SLC6A20: variants seen among roughly 807,000 people sequenced by gnomAD.
SLC6A20 encodes solute carrier family 6 member 20, also known as sodium- and chloride-dependent transporter XTRP3.
In SLC6A20, 73 loss-of-function variants were observed where a neutral mutation model predicts 64.3. The observed-to-expected ratio is 1.14, with a 90% CI of 0.94 to 1.38. The LOEUF is 1.38. Ranked by LOEUF, SLC6A20 falls within the 40% of genes most tolerant of loss-of-function variation. The probability of loss-of-function intolerance (pLI) is 0.00; values close to 1 mark genes in which losing one functional copy is unlikely to be tolerated. For synonymous variants in SLC6A20, 347 were observed against 329.6 expected (o/e 1.05, Z -0.57); for missense variants, 725 against 772.8 (o/e 0.94, Z 0.73).
chr3:45,781,219 T>C (rs1700079863), intron 2 of SLC6A20, among the ~76,000 whole-genome samples: 1 of 115,542 alleles, frequency 8.7e-6, no homozygotes, highest in Non-Finnish European at 1.8e-5. Flanking sequence ...AAACTCCGCC[T>C]CAAAAAAAAA....
chr3:45,771,972 G>A (rs1220996597), intron 5 of SLC6A20: 3 of 175,788 alleles, frequency 1.7e-5, no homozygotes, highest in Admixed American at 5.6e-5. Flanking sequence ...GAATGGGGAA[G>A]GGGAAGGATG....
At chr3:45,773,136 A>G (rs1376910745) in intron 4 of SLC6A20, among the ~76,000 whole-genome samples, 1 of 151,684 alleles carries the variant, frequency 6.6e-6, no homozygotes, top group Non-Finnish European at 1.5e-5. Context: ...AATTAAAAGG[A>G]AAAAAAAATC....
chr3:45,760,608 G>T (rs1212440182), intron 9 of SLC6A20, among the ~76,000 whole-genome samples: 1 of 152,178 alleles, frequency 6.6e-6, no homozygotes, highest in Non-Finnish European at 1.5e-5. Context: ...AGTCCCAAAG[G>T]CGTTGCCCAC....
intron 4 of SLC6A20, 95 bp downstream of exon 4, chr3:45,775,666 T>C (rs1256352398): frequency 1.6e-6 from 2 of 1,227,696 alleles, no homozygotes; most frequent in Non-Finnish European, 2.3e-6. Flanking sequence ...GGGCACTCCC[T>C]TGGCATTGCC....
intron 1 of SLC6A20, among the ~76,000 whole-genome samples, chr3:45,787,001 G>A (rs571285432): frequency 1.2e-4 from 18 of 152,246 alleles, no homozygotes; most frequent in East Asian, 3.9e-4. Context: ...CCACTGCACC[G>A]CCCTCCAGGC....
intron 8 of SLC6A20, among the ~76,000 whole-genome samples, chr3:45,763,615 G>A (rs971320577): frequency 6.6e-6 from 1 of 152,164 alleles, no homozygotes; most frequent in African/African-American, 2.4e-5. Context: ...TGGACCCTTA[G>A]GCCTCTGAGG....
At chr3:45,772,917 A>G (rs1699900875) in intron 4 of SLC6A20, among the ~76,000 whole-genome samples, 1 of 152,190 alleles carries the variant, frequency 6.6e-6, no homozygotes, top group African/African-American at 2.4e-5. Context: ...TTATTCTGGA[A>G]AGGATTTGAG....
intron 3 of SLC6A20, 61 bp downstream of exon 3, chr3:45,779,948 C>T: frequency 6.5e-7 from 1 of 1,527,372 alleles, no homozygotes; most frequent in Non-Finnish European, 8.9e-7. Flanking sequence ...GAGCGGGTGG[C>T]CCTGTTTTTC....
At chr3:45,792,111 G>A (rs539809001) in intron 1 of SLC6A20, among the ~76,000 whole-genome samples, 1 of 152,288 alleles carries the variant, frequency 6.6e-6, no homozygotes, top group Admixed American at 6.5e-5. Flanking sequence ...CCTTGCAGGT[G>A]GACATCGCAC....
chr3:45,767,073 A>G (rs1575426507), intron 7 of SLC6A20, among the ~76,000 whole-genome samples: 1 of 152,264 alleles, frequency 6.6e-6, no homozygotes. Context: ...ACACAGGTCA[A>G]TTCTATAGTA....
At chr3:45,777,869 C>T (rs1189546345) in intron 3 of SLC6A20, among the ~76,000 whole-genome samples, 1 of 152,148 alleles carries the variant, frequency 6.6e-6, no homozygotes, top group Non-Finnish European at 1.5e-5. Flanking sequence ...GACTAAGGCA[C>T]CCGGGGGTGA....
chr3:45,780,637 C>T (rs948444311), intron 2 of SLC6A20, among the ~76,000 whole-genome samples: 1 of 152,090 alleles, frequency 6.6e-6, no homozygotes, highest in African/African-American at 2.4e-5. Context: ...AGGGGGCTGC[C>T]CGTAATTCGG....
At chr3:45,763,757 G>A (rs976833209) in intron 8 of SLC6A20, among the ~76,000 whole-genome samples, 10 of 152,130 alleles carry the variant, frequency 6.6e-5, no homozygotes, top group Admixed American at 3.9e-4. Flanking sequence ...CCAGAACCTG[G>A]GCCTTCATCC....
In SLC6A20 at chr3:45,758,861, ACACT is replaced by A; in HGVS notation, c.*113_*116del. 1 of 1,405,266 alleles carries A rather than the reference ACACT, an allele frequency of 7.1e-7. No individual in the cohort carries two copies. Among genetic ancestry groups the A allele is most frequent in the Non-Finnish European group, 9.3e-7 (1 of 1,076,400 alleles). The allele number at this position is 1,405,266 out of a possible 1,614,324, so 87.0% of individuals were successfully genotyped here. On this transcript the variant is annotated 3_prime_UTR_variant, in exon 11 of 11. Coordinates refer to ENST00000358525, the MANE Select transcript of SLC6A20 (RefSeq NM_020208.4). Reference sequence around the variant, plus strand: ...TGCACACCTTCCTCATCTTCTTTAGACACTCAGGAAGTTGATGGGCTGAGCACTC... The same window carrying A: ...TGCACACCTTCCTCATCTTCTTTAGACAGGAAGTTGATGGGCTGAGCACTC...
At chr3:45,773,791 G>T (rs1330092033) in intron 4 of SLC6A20, among the ~76,000 whole-genome samples, 1 of 152,224 alleles carries the variant, frequency 6.6e-6, no homozygotes. Flanking sequence ...GGGACGGCAG[G>T]TGGAATGTGG....
intron 1 of SLC6A20, among the ~76,000 whole-genome samples, chr3:45,785,613 T>TTCTTTCTCTC (rs1700157238): frequency 7.1e-6 from 1 of 141,016 alleles, no homozygotes; most frequent in African/African-American, 2.7e-5. Context: ...AAACTCCCCT[T>TTCTTTCTCTC]TCTCTCTCTC....
Position 45,782,230 on chromosome 3 carries a change from A to G in SLC6A20, c.122-7T>C. On this transcript the variant is annotated splice_polypyrimidine_tract_variant and splice_region_variant and intron_variant, in intron 1 of 10. Transcript: ENST00000358525. ...TAGGGGACCAGGAAACTACCTGTGG[A>G]TGTCCAGAGCTGAGAGCCAGGCCAC... The G allele has an allele frequency of 6.2e-7, 1 of 1,610,518 alleles. No homozygotes were observed. The highest frequency in any genetic ancestry group is 2.2e-5 in the East Asian group (1 of 44,738).
chr3:45,786,726 G>A (rs946425007), intron 1 of SLC6A20, among the ~76,000 whole-genome samples: 1 of 152,200 alleles, frequency 6.6e-6, no homozygotes, highest in East Asian at 1.9e-4. Flanking sequence ...TGCCCAAAAC[G>A]ATTATTGCCA....
intron 8 of SLC6A20, 85 bp from the exon 9 acceptor site, chr3:45,763,157 G>A (rs1010078779): frequency 1.1e-5 from 17 of 1,559,880 alleles, no homozygotes; most frequent in South Asian, 6.0e-5. Context: ...TGGGGTCGTC[G>A]GCCCTCAGGG....
Sources: allele counts gnomAD v4.1 joint callset (sites outside exome capture counted in the v4.1 genomes callset), GRCh38; gene constraint gnomAD v4.1.1; transcripts MANE v1.5; gene names NCBI Gene and HGNC (gene_info 2026-07-23, HGNC 2026-07-21).